The following CCDC7 variants were observed in gnomAD, a reference collection of about 807,000 sequenced individuals.
CCDC7 encodes the protein coiled-coil domain containing 7, also known as coiled-coil domain-containing protein 7.
A neutral mutation model predicts 196.9 loss-of-function variants in CCDC7; 183 were observed. That is an observed-to-expected ratio of 0.93 (90% CI 0.82 to 1.05). The LOEUF (loss-of-function observed/expected upper bound fraction) is 1.05. Ranked by LOEUF, CCDC7 falls within the 50% of genes least tolerant of loss-of-function variation. The pLI, the probability that CCDC7 is intolerant of heterozygous loss-of-function variation, is 0.00. For synonymous variants in CCDC7, 525 were observed against 484.6 expected (o/e 1.08, Z -1.10); for missense variants, 1,540 against 1,482.2 (o/e 1.04, Z -0.64).
Position 32,686,085 on chromosome 10 carries a change from G to T in CCDC7, c.2233+5G>T, listed in dbSNP as rs750279989. The T allele has an allele frequency of 5.3e-6, 7 of 1,313,154 alleles. No homozygotes were observed. The highest frequency in any genetic ancestry group is 7.5e-6 in the Non-Finnish European group (7 of 938,144). The allele number at this position is 1,313,154 out of a possible 1,614,324, so 81.3% of individuals were successfully genotyped here. A position where few individuals can be genotyped will look rare whatever the true frequency, so the allele number is the denominator to read the frequency against. On this transcript the variant is annotated splice_donor_5th_base_variant and intron_variant, in intron 22 of 41. Coordinates refer to ENST00000639629, the Ensembl canonical transcript of CCDC7. ...CTACAGAGCAACCACTCACCAGTAA[G>T]TATAAAAATTACACATAACTTTACA...
Position 32,848,575 on chromosome 10 carries a change from TC to T in CCDC7, c.3773-20del, listed in dbSNP as rs777322943. On this transcript the variant is annotated intron_variant, in intron 38 of 41. Transcript: ENST00000639629. ...TAGTCAAGAGTATTCATGCACTTTT[TC>T]TTTTAAAATTTTATTTTAGATGTGA... 2 of 1,417,868 alleles carry T rather than the reference TC, an allele frequency of 1.4e-6. No individual in the cohort carries two copies. The highest frequency in any genetic ancestry group is 2.0e-6 in the Non-Finnish European group (2 of 1,001,270). The allele number at this position is 1,417,868 out of a possible 1,614,324, so 87.8% of individuals were successfully genotyped here.
At chr10:32,485,706 T>G (rs2040924653) in intron 8 of CCDC7, among the ~76,000 whole-genome samples, 1 of 152,238 alleles carries the variant, frequency 6.6e-6, no homozygotes, top group Admixed American at 6.5e-5. Context: ...GTCTTTGTTC[T>G]TGTTGGTTTC....
At chr10:32,577,669 T>C (rs1375531421) in intron 16 of CCDC7, among the ~76,000 whole-genome samples, 2 of 152,218 alleles carry the variant, frequency 1.3e-5, no homozygotes, top group Non-Finnish European at 2.9e-5. Flanking sequence ...TTCAGGCAAG[T>C]GCCTTACTGA....
rs576872718 is a variant in CCDC7 at position 32,744,084 on chromosome 10, A to G, written c.2905+14627A>G. On this transcript the variant is annotated intron_variant, in intron 28 of 41. Coordinates refer to ENST00000639629, the Ensembl canonical transcript of CCDC7. The stretch of plus-strand genomic sequence containing the variant: ...GCACATCAACATGGCACATGTATAC[A>G]TATGTAACAAACCTGCACATTGTGC... Among the ~76,000 whole-genome samples, 11 of 151,860 alleles carry G rather than the reference A, an allele frequency of 7.2e-5. No individual in the cohort carries two copies. The East Asian group carries it at 1.2e-3, about 16-fold the overall frequency.
chr10:32,519,942 AC>A (rs1461728140), intron 11 of CCDC7, among the ~76,000 whole-genome samples: 4 of 151,756 alleles, frequency 2.6e-5, no homozygotes, highest in Non-Finnish European at 5.9e-5. Flanking sequence ...TTGATTTTTA[AC>A]CCCCACGAAT....
At chr10:32,496,769 G>C (rs936910493) in intron 9 of CCDC7, among the ~76,000 whole-genome samples, 1 of 152,156 alleles carries the variant, frequency 6.6e-6, no homozygotes, top group Non-Finnish European at 1.5e-5. Context: ...CAAGCTTTTT[G>C]ATGTGCTTCT....
chr10:32,857,279 T>G (rs1015806025), intron 41 of CCDC7, among the ~76,000 whole-genome samples: 5 of 152,082 alleles, frequency 3.3e-5, no homozygotes, highest in African/African-American at 9.7e-5. Context: ...AGAACTTAAT[T>G]AAACTAAAGA....
At chr10:32,638,929 A>G (rs561400204) in intron 20 of CCDC7, among the ~76,000 whole-genome samples, 1 of 152,228 alleles carries the variant, frequency 6.6e-6, no homozygotes, top group South Asian at 2.1e-4. Context: ...GTCTATTCAG[A>G]GATTCAACTT....
At chr10:32,460,563 G>A (rs950993712) in intron 3 of CCDC7, among the ~76,000 whole-genome samples, 4 of 152,022 alleles carry the variant, frequency 2.6e-5, no homozygotes, top group African/African-American at 7.2e-5. Flanking sequence ...TGAGAACCCC[G>A]GAATCTTTCT....
intron 11 of CCDC7, among the ~76,000 whole-genome samples, chr10:32,534,000 T>G (rs2050094190): frequency 6.6e-6 from 1 of 152,134 alleles, no homozygotes; most frequent in Non-Finnish European, 1.5e-5. Flanking sequence ...TACCCCTTTC[T>G]TTTCCTCAGC....
At chr10:32,718,270 C>A (rs1233695260) in intron 25 of CCDC7, among the ~76,000 whole-genome samples, 1 of 152,164 alleles carries the variant, frequency 6.6e-6, no homozygotes, top group Non-Finnish European at 1.5e-5. Flanking sequence ...TAAACAGAAC[C>A]AATGACAAAA....
exon 17 of CCDC7, chr10:32,583,254 G>C: frequency 1.6e-6 from 2 of 1,231,088 alleles, no homozygotes. Context: ...TCAAAAAAAC[G>C]AAACAGTGAT....
Position 32,668,188 on chromosome 10 carries a change from A to G in CCDC7, c.2122+4027A>G, listed in dbSNP as rs575246058. ...CTCTGTTTGTCTGTTATTGGTGTAT[A>G]AGAATGCTTGTGATTTTTGCACATT... On this transcript the variant is annotated intron_variant, in intron 21 of 41. Coordinates refer to ENST00000639629, the Ensembl canonical transcript of CCDC7. 4.1e-3 allele frequency among the ~76,000 whole-genome samples: 625 copies of G among 152,260 alleles called. 4 individuals carry two copies. The highest frequency in any genetic ancestry group is 0.014 in the African/African-American group (577 of 41,530).
At chr10:32,521,674 A>G (rs2047904567) in intron 11 of CCDC7, among the ~76,000 whole-genome samples, 4 of 151,784 alleles carry the variant, frequency 2.6e-5, no homozygotes, top group South Asian at 4.2e-4. Context: ...TTCCTTTCCA[A>G]TTTGGATGCC....
At chr10:32,511,540 AAACATTG>A (rs1352079171) in intron 9 of CCDC7, 8 of 1,608,658 alleles carry the variant, frequency 5.0e-6, no homozygotes, top group Non-Finnish European at 6.8e-6. Context: ...AATAAACCCA[AAACATTG>A]AATTTAATGT....
chr10:32,470,242 A>C (rs990440957), intron 5 of CCDC7, among the ~76,000 whole-genome samples: 1 of 152,026 alleles, frequency 6.6e-6, no homozygotes, highest in Non-Finnish European at 1.5e-5. Context: ...TTTTTCCCCA[A>C]CTTTTCCTCC....
intron 21 of CCDC7, among the ~76,000 whole-genome samples, chr10:32,680,332 C>G (rs1260547834): frequency 2.6e-5 from 4 of 152,136 alleles, no homozygotes; most frequent in South Asian, 4.2e-4. Flanking sequence ...TGGGGTTGCA[C>G]ATAGATAATA....
intron 11 of CCDC7, among the ~76,000 whole-genome samples, chr10:32,535,944 A>T (rs1002228437): frequency 4.6e-5 from 7 of 152,154 alleles, no homozygotes; most frequent in Non-Finnish European, 1.0e-4. Context: ...GTTGGATAGT[A>T]AGCAATGTTA....
At chr10:32,643,062 T>G (rs2067126050) in intron 20 of CCDC7, among the ~76,000 whole-genome samples, 1 of 152,240 alleles carries the variant, frequency 6.6e-6, no homozygotes, top group African/African-American at 2.4e-5. Context: ...TATTTATTTT[T>G]TGATTTCCTT....
Sources: gnomAD v4.1 joint callset for allele counts (sites outside exome capture counted in the v4.1 genomes callset) on GRCh38, gnomAD v4.1.1 for gene constraint, MANE v1.5 for transcripts, NCBI Gene and HGNC (gene_info 2026-07-23, HGNC 2026-07-21) for gene names.